ZNF407: variants seen among roughly 807,000 people sequenced by gnomAD.
ZNF407 encodes zinc finger protein 407.
Under a neutral mutation model 131.2 loss-of-function variants are expected in ZNF407, and 17 were observed. The ratio of observed to expected loss-of-function variants is 0.13; its 90% confidence interval spans 0.09 to 0.19. The LOEUF is 0.19. Among genes scored for constraint, ZNF407 ranks in the 10% least tolerant of loss-of-function variants. The pLI is 1.00. For missense variants in ZNF407, 2,681 were observed against 2,830.6 expected (o/e 0.95, Z 1.20); for synonymous variants, 1,156 against 1,062.0 (o/e 1.09, Z -1.72).
intron 4 of ZNF407, chr18:74,804,009 G>C (rs1271296865): frequency 6.4e-7 from 1 of 1,551,776 alleles, no homozygotes; most frequent in South Asian, 1.2e-5. Context: ...CAGGAATACA[G>C]AACAACAGGA....
At chr18:74,826,841 G>A (rs1451728963) in intron 4 of ZNF407, among the ~76,000 whole-genome samples, 1 of 152,216 alleles carries the variant, frequency 6.6e-6, no homozygotes, top group African/African-American at 2.4e-5. Context: ...TCTCTGTGCT[G>A]TGGAACAGGG....
intron 8 of ZNF407, among the ~76,000 whole-genome samples, chr18:74,935,956 T>TA (rs1256937650): frequency 6.6e-6 from 1 of 152,200 alleles, no homozygotes; most frequent in Non-Finnish European, 1.5e-5. Flanking sequence ...TGTAATTTTT[T>TA]AAAAAAGTTT....
chr18:75,049,098 T>TGGTG (rs1973468231), intron 8 of ZNF407, among the ~76,000 whole-genome samples: 4 of 39,628 alleles, frequency 1.0e-4, no homozygotes, highest in African/African-American at 3.3e-4. Context: ...TTTTTTTTTT[T>TGGTG]GGGTGGGGGG....
intron 4 of ZNF407, among the ~76,000 whole-genome samples, chr18:74,813,541 T>C (rs1158431686): frequency 1.3e-5 from 2 of 152,168 alleles, no homozygotes; most frequent in East Asian, 1.9e-4. Flanking sequence ...TTCCTCCAGT[T>C]TCTACTCTGT....
chr18:74,811,257 A>G (rs1474884340), intron 4 of ZNF407, among the ~76,000 whole-genome samples: 2 of 152,214 alleles, frequency 1.3e-5, no homozygotes, highest in Non-Finnish European at 2.9e-5. Flanking sequence ...TTATGCAGCC[A>G]AAAAACACAT....
intron 6 of ZNF407, among the ~76,000 whole-genome samples, chr18:74,883,507 A>G (rs1971266292): frequency 6.6e-6 from 1 of 152,124 alleles, no homozygotes; most frequent in Non-Finnish European, 1.5e-5. Flanking sequence ...ATAATTCCTC[A>G]CCGCAATACA....
At chr18:74,916,779 G>GGA (rs1251386050) in intron 7 of ZNF407, among the ~76,000 whole-genome samples, 1 of 99,978 alleles carries the variant, frequency 1.0e-5, no homozygotes, top group Admixed American at 1.1e-4. Context: ...GTTCGAATCG[G>GGA]GAGTGTGTGT....
At chr18:75,000,143 C>A (rs1972828605) in intron 8 of ZNF407, among the ~76,000 whole-genome samples, 1 of 152,146 alleles carries the variant, frequency 6.6e-6, no homozygotes, top group Non-Finnish European at 1.5e-5. Flanking sequence ...CCACAGGAAA[C>A]CGATATGGCA....
intron 8 of ZNF407, among the ~76,000 whole-genome samples, chr18:75,009,821 A>G (rs1351680243): frequency 6.6e-6 from 1 of 152,140 alleles, no homozygotes; most frequent in Non-Finnish European, 1.5e-5. Flanking sequence ...TCTTAACCCC[A>G]CTACACTACA....
intron 3 of ZNF407, among the ~76,000 whole-genome samples, chr18:74,684,807 A>G (rs984105794): frequency 1.3e-5 from 2 of 152,178 alleles, no homozygotes; most frequent in Non-Finnish European, 2.9e-5. Context: ...TTCCCTTTGG[A>G]AACCATCTGA....
chr18:75,043,710 A>G (rs565968933), intron 8 of ZNF407, among the ~76,000 whole-genome samples: 2 of 152,340 alleles, frequency 1.3e-5, no homozygotes, highest in South Asian at 4.1e-4. Flanking sequence ...TAGCAGCCAT[A>G]TCAGCTTTCC....
At chr18:74,936,959 G>A (rs1395996405) in intron 8 of ZNF407, among the ~76,000 whole-genome samples, 1 of 152,186 alleles carries the variant, frequency 6.6e-6, no homozygotes, top group Non-Finnish European at 1.5e-5. Context: ...CAGTTGAAAA[G>A]TTCTGATGAG....
chr18:74,642,107 A>G (rs1235250999), intron 3 of ZNF407, among the ~76,000 whole-genome samples: 1 of 152,076 alleles, frequency 6.6e-6, no homozygotes, highest in African/African-American at 2.4e-5. Flanking sequence ...TATTTGTTGG[A>G]CAGTACATTT....
At chr18:75,027,188 C>G (rs1460383685) in intron 8 of ZNF407, among the ~76,000 whole-genome samples, 1 of 152,236 alleles carries the variant, frequency 6.6e-6, no homozygotes, top group East Asian at 1.9e-4. Flanking sequence ...AGACTGAGCA[C>G]GGAGACCTTT....
At chr18:75,007,389 C>T (rs886919800) in intron 8 of ZNF407, among the ~76,000 whole-genome samples, 2 of 152,094 alleles carry the variant, frequency 1.3e-5, no homozygotes, top group African/African-American at 2.4e-5. Flanking sequence ...TTGCTAACAC[C>T]TGTTATTTCC....
At chr18:75,011,618 A>G (rs892522169) in intron 8 of ZNF407, among the ~76,000 whole-genome samples, 1 of 152,182 alleles carries the variant, frequency 6.6e-6, no homozygotes, top group Non-Finnish European at 1.5e-5. Flanking sequence ...ATCAGAAAAC[A>G]CTTGTCAGTA....
chr18:74,927,918 T>C (rs1445383466), intron 8 of ZNF407, among the ~76,000 whole-genome samples: 2 of 152,192 alleles, frequency 1.3e-5, no homozygotes, highest in East Asian at 3.8e-4. Context: ...CTTAAAACTT[T>C]TCAGAGTAGA....
chr18:74,794,578 A>G (rs1362042239), intron 4 of ZNF407, among the ~76,000 whole-genome samples: 2 of 152,202 alleles, frequency 1.3e-5, no homozygotes, highest in Non-Finnish European at 2.9e-5. Flanking sequence ...ATATAGAATC[A>G]TGCAATTTTG....
At chr18:74,763,196 C>CTTTTTTTTTTTTTTTTTTTT (rs71170316) in intron 3 of ZNF407, among the ~76,000 whole-genome samples, 1 of 17,776 alleles carries the variant, frequency 5.6e-5, no homozygotes. Context: ...TTCTTAGGAC[C>CTTTTTTTTTTTTTTTTTTTT]TTTTTTTTTT....
Sources: allele counts gnomAD v4.1 joint callset (sites outside exome capture counted in the v4.1 genomes callset), GRCh38; gene constraint gnomAD v4.1.1; transcripts MANE v1.5; gene names NCBI Gene and HGNC (gene_info 2026-07-23, HGNC 2026-07-21).